Variants in CSMD1 observed in about 807,000 individuals in gnomAD.
CSMD1 encodes CUB and sushi domain-containing protein 1.
A neutral mutation model predicts 417.5 loss-of-function variants in CSMD1; 213 were observed. That is an observed-to-expected ratio of 0.51 (90% CI 0.46 to 0.57). The LOEUF (loss-of-function observed/expected upper bound fraction) is 0.57, where lower values mean the gene tolerates loss of function less well. CSMD1 is among the 20% of genes least tolerant of loss of function. The pLI is 0.00. For missense variants in CSMD1, 6,923 were observed against 4,529.7 expected (o/e 1.53, Z -15.17); for synonymous variants, 2,862 against 1,736.8 (o/e 1.65, Z -16.11).
At chr8:4,225,874 T>C (rs1391134465) in intron 3 of CSMD1, among the ~76,000 whole-genome samples, 2 of 152,222 alleles carry the variant, frequency 1.3e-5, no homozygotes, top group African/African-American at 4.8e-5. Flanking sequence ...TGCATATATT[T>C]GGATTCTTCT....
In CSMD1 at chr8:3,924,150, T is replaced by A. The variant is rs183732840; in HGVS notation, c.818+73753A>T. Among the ~76,000 whole-genome samples the A allele has an allele frequency of 1.9e-3, 292 of 152,328 alleles. 2 individuals carry two copies. The highest frequency in any genetic ancestry group is 1.2e-3 in the Non-Finnish European group (85 of 68,034). ...TATCTCTCCATTTATGAAGGACAGT[T>A]TCTCTGAGTATAGCATTCTTCGTTG... On this transcript the variant is annotated intron_variant, in intron 5 of 69. Transcript: ENST00000635120.
chr8:4,469,550 G>A lies in CSMD1; in HGVS notation c.303-49485C>T, dbSNP rs191101788. Among the ~76,000 whole-genome samples, 13 of 152,184 alleles carry A rather than the reference G, an allele frequency of 8.5e-5. No individual in the cohort carries two copies. In the East Asian group the frequency reaches 2.1e-3, roughly 25 times the overall value. Reference sequence around the variant, plus strand: ...GGAGCCTTCCTCTTCTCAATTAACGGCAAACCTATTCTTTCAGTAGCTTGT... The same window carrying A: ...GGAGCCTTCCTCTTCTCAATTAACGACAAACCTATTCTTTCAGTAGCTTGT... On this transcript the variant is annotated intron_variant, in intron 2 of 69. Coordinates refer to ENST00000635120, the MANE Select transcript of CSMD1 (RefSeq NM_033225.6).
intron 65 of CSMD1, among the ~76,000 whole-genome samples, chr8:2,952,016 T>A (rs907097876): frequency 1.1e-4 from 16 of 152,244 alleles, no homozygotes; most frequent in African/African-American, 3.9e-4. Context: ...ATTATTGAGA[T>A]ATTTCTTCTT....
At chr8:2,947,445 C>G (rs949948749) in intron 68 of CSMD1, among the ~76,000 whole-genome samples, 18 of 152,170 alleles carry the variant, frequency 1.2e-4, no homozygotes, top group African/African-American at 4.1e-4. Context: ...GGGGGACTTA[C>G]TTATGACTCA....
At chr8:3,839,298 T>G (rs1383547841) in intron 5 of CSMD1, among the ~76,000 whole-genome samples, 4 of 124,014 alleles carry the variant, frequency 3.2e-5, no homozygotes, top group African/African-American at 9.1e-5. Flanking sequence ...TTATATATAC[T>G]ATTATATATA....
intron 58 of CSMD1, among the ~76,000 whole-genome samples, 157 bp downstream of exon 58, chr8:2,966,413 C>T (rs1803961379): frequency 6.6e-6 from 1 of 152,150 alleles, no homozygotes; most frequent in Non-Finnish European, 1.5e-5. Flanking sequence ...TCTTAAAGTA[C>T]TTAAGAAATA....
At chr8:4,553,366 A>G (rs560591729) in intron 2 of CSMD1, among the ~76,000 whole-genome samples, 8 of 152,218 alleles carry the variant, frequency 5.3e-5, no homozygotes, top group Admixed American at 5.2e-4. Context: ...AGGCATTTAT[A>G]AACATTTATA....
intron 2 of CSMD1, among the ~76,000 whole-genome samples, chr8:4,488,169 T>C (rs994883716): frequency 1.3e-5 from 2 of 152,180 alleles, no homozygotes; most frequent in African/African-American, 2.4e-5. Flanking sequence ...ACTTACAGCT[T>C]CCAGAACTGT....
intron 5 of CSMD1, among the ~76,000 whole-genome samples, chr8:3,807,699 C>T (rs959757004): frequency 1.3e-5 from 2 of 152,060 alleles, no homozygotes; most frequent in African/African-American, 4.8e-5. Context: ...GCTTTTCTTC[C>T]TTGAGCTATA....
chr8:3,672,091 A>C (rs116265489), intron 7 of CSMD1, among the ~76,000 whole-genome samples: 1 of 152,158 alleles, frequency 6.6e-6, no homozygotes, highest in African/African-American at 2.4e-5. Flanking sequence ...TATCATTCTA[A>C]AAGGTTGATG....
At chr8:3,673,241 C>G (rs575746371) in intron 7 of CSMD1, among the ~76,000 whole-genome samples, 2 of 152,178 alleles carry the variant, frequency 1.3e-5, no homozygotes, top group Non-Finnish European at 2.9e-5. Flanking sequence ...TTTCCAAATT[C>G]GTTTCTATTG....
intron 7 of CSMD1, among the ~76,000 whole-genome samples, chr8:3,620,164 T>C (rs915816302): frequency 1.3e-5 from 2 of 151,846 alleles, no homozygotes; most frequent in Admixed American, 6.6e-5. Context: ...GCTGAAAAAA[T>C]GTCAGCTGAA....
At chr8:4,074,031 C>T (rs1007076787) in intron 3 of CSMD1, among the ~76,000 whole-genome samples, 2 of 151,934 alleles carry the variant, frequency 1.3e-5, no homozygotes, top group African/African-American at 2.4e-5. Flanking sequence ...TTTATTGCTT[C>T]TGCTTTTAGA....
At chr8:3,863,591 A>C (rs531506844) in intron 5 of CSMD1, among the ~76,000 whole-genome samples, 1 of 152,238 alleles carries the variant, frequency 6.6e-6, no homozygotes, top group East Asian at 1.9e-4. Context: ...TCTAAGCCTG[A>C]CATCAAACCT....
chr8:4,668,062 C>G (rs894332157), intron 1 of CSMD1, among the ~76,000 whole-genome samples: 1 of 152,166 alleles, frequency 6.6e-6, no homozygotes, highest in Non-Finnish European at 1.5e-5. Flanking sequence ...AACATTAACA[C>G]GTATTAATTT....
chr8:3,359,071 G>T, intron 21 of CSMD1, 81 bp downstream of exon 21: 3 of 1,385,370 alleles, frequency 2.2e-6, no homozygotes, highest in Non-Finnish European at 3.0e-6. Context: ...ACCCCCACCC[G>T]ACCCCGACCA....
At chr8:3,507,152 T>C (rs1328507743) in intron 10 of CSMD1, among the ~76,000 whole-genome samples, 7 of 152,286 alleles carry the variant, frequency 4.6e-5, no homozygotes, top group Admixed American at 3.3e-4. Context: ...AGTGGAAAAG[T>C]GGTGATTTAA....
At chr8:4,186,613 T>A (rs1042852577) in intron 3 of CSMD1, among the ~76,000 whole-genome samples, 1 of 152,154 alleles carries the variant, frequency 6.6e-6, no homozygotes, top group Non-Finnish European at 1.5e-5. Flanking sequence ...CCTCTCTCAA[T>A]CTTCCAGGGG....
At chr8:4,519,792 T>G (rs1380021829) in intron 2 of CSMD1, among the ~76,000 whole-genome samples, 1 of 137,320 alleles carries the variant, frequency 7.3e-6, no homozygotes, top group African/African-American at 2.9e-5. Flanking sequence ...ATTCTTGCCT[T>G]TTGGAGCCAG....
Sources: allele counts gnomAD v4.1 joint callset (sites outside exome capture counted in the v4.1 genomes callset), GRCh38; gene constraint gnomAD v4.1.1; transcripts MANE v1.5; gene names NCBI Gene and HGNC (gene_info 2026-07-23, HGNC 2026-07-21).